The following TRAF1 variants were observed in gnomAD, a reference collection of about 807,000 sequenced individuals.
TRAF1 encodes the protein TNF receptor-associated factor 1.
Under a neutral mutation model 40.9 loss-of-function variants are expected in TRAF1, and 23 were observed. The ratio of observed to expected loss-of-function variants is 0.56; its 90% CI spans 0.40 to 0.80. The LOEUF (loss-of-function observed/expected upper bound fraction) is 0.80, where lower values mean the gene tolerates loss of function less well. Ranked by LOEUF, TRAF1 falls within the 30% of genes least tolerant of loss-of-function variation. The pLI is 0.00. For synonymous variants in TRAF1, 206 were observed against 218.8 expected, an observed-to-expected ratio of 0.94 and a Z score of 0.52; for missense variants, 477 against 528.7, an observed-to-expected ratio of 0.90 and a Z score of 0.96.
chr9:120,906,741 T>C (rs1159855919), intron 7 of TRAF1, among the ~76,000 whole-genome samples: 2 of 152,230 alleles, frequency 1.3e-5, no homozygotes, highest in Non-Finnish European at 2.9e-5. Context: ...CATAAGGACA[T>C]GTATCCACCA....
intron 6 of TRAF1, 120 bp from the exon 7 acceptor site, chr9:120,909,498 A>G: frequency 8.3e-7 from 1 of 1,204,342 alleles, no homozygotes; most frequent in Non-Finnish European, 1.2e-6. Context: ...TGGGGTTAGA[A>G]CCCAGCATTC....
intron 2 of TRAF1, among the ~76,000 whole-genome samples, chr9:120,924,184 T>C (rs1347288168): frequency 6.6e-6 from 1 of 152,234 alleles, no homozygotes; most frequent in Non-Finnish European, 1.5e-5. Flanking sequence ...AAAACACATC[T>C]GATCTCAGGG....
At chr9:120,912,277 A>T (rs2046533696) in intron 5 of TRAF1, among the ~76,000 whole-genome samples, 1 of 152,198 alleles carries the variant, frequency 6.6e-6, no homozygotes, top group African/African-American at 2.4e-5. Context: ...TGAAGCAGGA[A>T]CTAAAATCCA....
In TRAF1 at chr9:120,925,897, C is replaced by A. The variant is rs766813110; in HGVS notation, c.140+39G>T. The A allele has an allele frequency of 3.2e-5, 51 of 1,612,580 alleles. No homozygotes were observed. In the East Asian group the frequency reaches 1.1e-3, roughly 36 times the overall value. On this transcript the variant is annotated intron_variant, in intron 2 of 7. Transcript: ENST00000373887. ...TCCCATCAGGGGTCCCTCCCTGGCA[C>A]CCACTTTCTGCCCACCCTCCGCTCC...
At position 120,925,927 on chromosome 9, in the gene TRAF1, T is replaced by A; in HGVS notation, c.140+9A>T. On this transcript the variant is annotated intron_variant, in intron 2 of 7. Coordinates refer to ENST00000373887, the MANE Select transcript of TRAF1 (RefSeq NM_005658.5). ...TTTCTGCCCACCCTCCGCTCCTCCATCACCTCACCTCGGGTTCTCAGAGAG... is the reference window on the plus strand; with the variant it reads ...TTTCTGCCCACCCTCCGCTCCTCCAACACCTCACCTCGGGTTCTCAGAGAG... 1 of 1,613,768 alleles carries A rather than the reference T, an allele frequency of 6.2e-7. No individual in the cohort carries two copies. The highest frequency in any genetic ancestry group is 1.1e-5 in the South Asian group (1 of 91,074).
At chr9:120,910,603 C>T (rs1352645901) in intron 6 of TRAF1, among the ~76,000 whole-genome samples, 1 of 152,120 alleles carries the variant, frequency 6.6e-6, no homozygotes, top group Non-Finnish European at 1.5e-5. Flanking sequence ...TGTTACGTTG[C>T]CCAGGCTGGT....
chr9:120,925,300 C>T (rs2046631880), intron 2 of TRAF1, among the ~76,000 whole-genome samples: 1 of 152,210 alleles, frequency 6.6e-6, no homozygotes, highest in Non-Finnish European at 1.5e-5. Flanking sequence ...GTGCTGAGGA[C>T]CCAAGGGCAG....
intron 2 of TRAF1, 51 bp downstream of exon 2, chr9:120,925,885 C>T (rs2046636753): frequency 1.9e-6 from 3 of 1,610,232 alleles, no homozygotes; most frequent in Admixed American, 1.7e-5. Context: ...CATCAGGGGT[C>T]CCTCCCTGGC....
Position 120,902,742 on chromosome 9 carries a change from T to C in TRAF1, c.*2278A>G, listed in dbSNP as rs1208726104. On this transcript the variant is annotated 3_prime_UTR_variant, in exon 8 of 8. Coordinates refer to ENST00000373887, the MANE Select transcript of TRAF1 (RefSeq NM_005658.5). ...CCTCCTTCACCAGCTGGATCTGGGA[T>C]TCTGTGCTTTCTCTAAGCTTCTCCT... The C allele has an allele frequency of 6.6e-6, 1 of 152,224 alleles. No homozygotes were observed. Among genetic ancestry groups the C allele is most frequent in the East Asian group, 1.9e-4 (1 of 5,198 alleles). The allele number at this position is 152,224 out of a possible 1,614,324, so 9.4% of individuals were successfully genotyped here.
At chr9:120,913,288 C>A in intron 5 of TRAF1, 40 bp downstream of exon 5, 2 of 1,559,016 alleles carry the variant, frequency 1.3e-6, no homozygotes, top group Non-Finnish European at 8.7e-7. Flanking sequence ...CAGGATGGGG[C>A]TCAGCCGGGC....
chr9:120,923,054 G>T (rs1285276618), intron 3 of TRAF1, among the ~76,000 whole-genome samples: 1 of 152,110 alleles, frequency 6.6e-6, no homozygotes, highest in Non-Finnish European at 1.5e-5. Flanking sequence ...GCCCAGGCTA[G>T]TATCAAACTC....
At chr9:120,917,783 G>A (rs1419536689) in intron 3 of TRAF1, among the ~76,000 whole-genome samples, 2 of 151,842 alleles carry the variant, frequency 1.3e-5, no homozygotes, top group East Asian at 3.9e-4. Context: ...GGACACTTGG[G>A]CCTCCTGGAT....
At chr9:120,927,426 A>G (rs986809972), upstream of TRAF1, 1 of 152,192 alleles carries the variant, frequency 6.6e-6, no homozygotes, top group Non-Finnish European at 1.5e-5. Flanking sequence ...CAGATTCTGC[A>G]TCTGTAAAAT....
chr9:120,911,610 T>G, intron 5 of TRAF1, 97 bp from the exon 6 acceptor site: 1 of 1,436,216 alleles, frequency 7.0e-7, no homozygotes. Flanking sequence ...CAGATGTGTT[T>G]TGCTGACCAC....
Position 120,913,365 on chromosome 9 carries a change from T to C in TRAF1, c.668A>G (p.Gln223Arg), listed in dbSNP as rs2046543215. ...GCTCAGGATGCGCTCACGGTCCAGC[T>C]GGCTCTGGTGGATAGAGGTGGCCAG... ...LALATSIHQS[Q>R]LDRERILSLE... is the part of the protein sequence containing the mutation. Residue 223 changes from glutamine to arginine, a missense_variant, in exon 5 of 8, where the codon CAG becomes CGG. Transcript: ENST00000373887. The C allele has an allele frequency of 1.2e-6, 2 of 1,613,732 alleles. No homozygotes were observed. Among genetic ancestry groups the C allele is most frequent in the Non-Finnish European group, 1.7e-6 (2 of 1,179,860 alleles).
At chr9:120,912,146 T>C (rs1302284955) in intron 5 of TRAF1, among the ~76,000 whole-genome samples, 1 of 152,172 alleles carries the variant, frequency 6.6e-6, no homozygotes, top group Non-Finnish European at 1.5e-5. Flanking sequence ...ATTTAATCGT[T>C]AATTTTACTG....
At chr9:120,918,874 G>A (rs2046586194) in intron 3 of TRAF1, among the ~76,000 whole-genome samples, 1 of 152,208 alleles carries the variant, frequency 6.6e-6, no homozygotes, top group Non-Finnish European at 1.5e-5. Flanking sequence ...TGTAGACACT[G>A]TCCCATCAGA....
rs1290546052 is a variant in TRAF1 at position 120,910,112 on chromosome 9, C to A, written c.884-734G>T. Among the ~76,000 whole-genome samples, 3 of 152,162 alleles carry A rather than the reference C, an allele frequency of 2.0e-5. No individual in the cohort carries two copies. In the East Asian group the frequency reaches 5.8e-4, roughly 29 times the overall value. ...GCATGTCCTCTGGCAGAGCGCCCTT[C>A]TGGGAGAGGCTGACTGGGGACATGA... On this transcript the variant is annotated intron_variant, in intron 6 of 7. Coordinates refer to ENST00000373887, the MANE Select transcript of TRAF1 (RefSeq NM_005658.5).
Position 120,913,333 on chromosome 9 carries a change from G to T in TRAF1, c.700C>A (p.Gln234Lys). 1 of 1,604,622 alleles carries T rather than the reference G, an allele frequency of 6.2e-7. No homozygotes were observed. The highest frequency in any genetic ancestry group is 8.5e-7 in the Non-Finnish European group (1 of 1,173,812). The change falls in exon 5 of 8, where the codon CAG becomes AAG. Residue 234 changes from glutamine to lysine, a missense_variant. By Grantham distance (53) the Gln-to-Lys change is moderately conservative (BLOSUM62 1). Coordinates refer to ENST00000373887, the MANE Select transcript of TRAF1 (RefSeq NM_005658.5). Reference sequence around the variant, plus strand: ...AACCTGCCTCCCACACTCACCCTCTGCTCCAAGCTCAGGATGCGCTCACGG... The same window carrying T: ...AACCTGCCTCCCACACTCACCCTCTTCTCCAAGCTCAGGATGCGCTCACGG... ...LDRERILSLE[Q>K]RVVELQQTLA...
Sources: allele counts gnomAD v4.1 joint callset (sites outside exome capture counted in the v4.1 genomes callset), GRCh38; gene constraint gnomAD v4.1.1; transcripts MANE v1.5; gene names NCBI Gene and HGNC (gene_info 2026-07-23, HGNC 2026-07-21).